PCSK5: variants seen among roughly 807,000 people sequenced by gnomAD.
PCSK5 encodes the protein proprotein convertase subtilisin/kexin type 5, also known as prohormone convertase 5.
In PCSK5, 129 loss-of-function variants were observed where a neutral mutation model predicts 233.2. The ratio of observed to expected loss-of-function variants is 0.55; its 90% confidence interval spans 0.48 to 0.64. The LOEUF (loss-of-function observed/expected upper bound fraction) is 0.64, where lower values mean the gene tolerates loss of function less well. PCSK5 is among the 30% of genes least tolerant of loss of function. The probability of loss-of-function intolerance (pLI) is 0.00; values close to 1 mark genes in which losing one functional copy is unlikely to be tolerated. For missense variants in PCSK5, 2,076 were observed against 2,430.1 expected (o/e 0.85, Z 3.06); for synonymous variants, 825 against 879.2 (o/e 0.94, Z 1.09).
intron 35 of PCSK5, among the ~76,000 whole-genome samples, chr9:76,342,472 T>C (rs1829863232): frequency 6.6e-6 from 1 of 152,136 alleles, no homozygotes; most frequent in Non-Finnish European, 1.5e-5. Flanking sequence ...AGATGAGAAA[T>C]CAGGTATTCC....
At chr9:75,951,656 C>A (rs1190499539) in intron 2 of PCSK5, among the ~76,000 whole-genome samples, 1 of 152,018 alleles carries the variant, frequency 6.6e-6, no homozygotes, top group African/African-American at 2.4e-5. Context: ...TACAATCAGA[C>A]CTCCTTATCC....
Position 76,323,269 on chromosome 9 carries a change from G to T in PCSK5, c.4320G>T (p.Lys1440Asn). The change falls in exon 32 of 38, where the codon AAG becomes AAT. Residue 1440 changes from lysine to asparagine, a missense_variant. Lys to Asn is a moderately conservative substitution (Grantham distance 94). Transcript: ENST00000674117. ...EECPAGTYYE[K>N]ETKECRDCHK... Reference sequence around the variant, plus strand: ...GTCCAGCAGGAACCTATTATGAAAAGGAGACTAAGGAGTGCAGAGGTAAAG... The same window carrying T: ...GTCCAGCAGGAACCTATTATGAAAATGAGACTAAGGAGTGCAGAGGTAAAG... The T allele has an allele frequency of 6.2e-7, 1 of 1,605,936 alleles. No homozygotes were observed. The highest frequency in any genetic ancestry group is 8.5e-7 in the Non-Finnish European group (1 of 1,173,662).
chr9:76,001,824 A>T (rs551021342), intron 3 of PCSK5, among the ~76,000 whole-genome samples: 6 of 152,208 alleles, frequency 3.9e-5, no homozygotes, highest in Non-Finnish European at 4.4e-5. Flanking sequence ...AGAAAATGAA[A>T]GATTAAAGAG....
rs565635254 is a variant in PCSK5 at position 75,891,827 on chromosome 9, C to T, written c.192+454C>T. Among the ~76,000 whole-genome samples, 4 of 151,828 alleles carry T rather than the reference C, an allele frequency of 2.6e-5. No individual in the cohort carries two copies. The South Asian group carries it at 8.3e-4, about 32-fold the overall frequency. On this transcript the variant is annotated intron_variant, in intron 1 of 37. Coordinates refer to ENST00000674117, the MANE Select transcript of PCSK5 (RefSeq NM_001372043.1). ...CGGGGAAGGGAAAGCCTTTCCTGCTCGGACCTGAATTTAGCCCAGAAAGAA... is the reference window on the plus strand; with the variant it reads ...CGGGGAAGGGAAAGCCTTTCCTGCTTGGACCTGAATTTAGCCCAGAAAGAA...
intron 1 of PCSK5, among the ~76,000 whole-genome samples, chr9:75,931,787 A>G (rs1052097098): frequency 5.3e-5 from 8 of 152,192 alleles, no homozygotes; most frequent in Non-Finnish European, 8.8e-5. Context: ...GATAGGTAGG[A>G]TGTATGTTTT....
At chr9:76,303,061 T>TC (rs1293809045) in intron 28 of PCSK5, among the ~76,000 whole-genome samples, 2 of 39,198 alleles carry the variant, frequency 5.1e-5, no homozygotes, top group Non-Finnish European at 1.1e-4. Flanking sequence ...CTTGTTGAGA[T>TC]TAAGTCCCCA....
intron 25 of PCSK5, among the ~76,000 whole-genome samples, chr9:76,293,631 G>A (rs960231082): frequency 1.1e-4 from 16 of 152,126 alleles, no homozygotes; most frequent in Non-Finnish European, 2.2e-4. Context: ...TGTATTTTTA[G>A]CAGAGACAGG....
At chr9:75,920,194 G>A (rs904072758) in intron 1 of PCSK5, among the ~76,000 whole-genome samples, 3 of 152,100 alleles carry the variant, frequency 2.0e-5, no homozygotes, top group Admixed American at 6.6e-5. Context: ...ACAACCATTA[G>A]CAAAGATATA....
chr9:76,224,566 A>T (rs1243274129), intron 20 of PCSK5, among the ~76,000 whole-genome samples: 1 of 152,214 alleles, frequency 6.6e-6, no homozygotes, highest in Non-Finnish European at 1.5e-5. Flanking sequence ...GAAGAGATGA[A>T]TGAAGGGATA....
At chr9:75,924,933 T>C (rs1400982070) in intron 1 of PCSK5, among the ~76,000 whole-genome samples, 1 of 152,206 alleles carries the variant, frequency 6.6e-6, no homozygotes, top group Non-Finnish European at 1.5e-5. Flanking sequence ...AGCCTCTGCT[T>C]TCTCATGTGT....
chr9:75,922,741 T>C (rs575664365), intron 1 of PCSK5, among the ~76,000 whole-genome samples: 1 of 152,352 alleles, frequency 6.6e-6, no homozygotes, highest in Admixed American at 6.5e-5. Flanking sequence ...TCTGAGATTC[T>C]ATGATTTGCT....
intron 22 of PCSK5, 151 bp from the exon 23 acceptor site, chr9:76,238,808 C>G (rs1826334020): frequency 1.6e-6 from 1 of 609,006 alleles, no homozygotes; most frequent in Non-Finnish European, 2.9e-6. Context: ...AGCTATTGCA[C>G]TTTTCATTAA....
At chr9:76,164,777 C>G (rs139238397) in intron 12 of PCSK5, among the ~76,000 whole-genome samples, 2,579 of 152,218 alleles carry the variant, frequency 0.017, 27 homozygotes, top group Non-Finnish European at 0.028. Context: ...AAGGAAATTA[C>G]AAAGGGGCTT....
In PCSK5 at chr9:76,310,662, A is replaced by G. The variant is rs748648072; in HGVS notation, c.3695A>G (p.Tyr1232Cys). 9.6e-6 allele frequency: 15 copies of G among 1,566,012 alleles called. No individual in the cohort carries two copies. Among genetic ancestry groups the G allele is most frequent in the Non-Finnish European group, 1.3e-5 (15 of 1,160,348 alleles). Residue 1232 changes from tyrosine to cysteine, a missense_variant, in exon 30 of 38, where the codon TAT becomes TGT. Tyr to Cys is a radical substitution (Grantham distance 194). Transcript: ENST00000674117. ...TLCTSCPKGA[Y>C]LLAQACVSSC... is the part of the protein sequence containing the mutation. ...CTCTTCCCTGAATTTCTAGGTGCAT[A>G]TCTTCTGGCTCAGGCCTGTGTTTCC...
chr9:76,205,829 C>G (rs1825096853), intron 20 of PCSK5, among the ~76,000 whole-genome samples: 1 of 152,030 alleles, frequency 6.6e-6, no homozygotes. Flanking sequence ...GTGCTGGATC[C>G]CTCCTTCACC....
intron 20 of PCSK5, among the ~76,000 whole-genome samples, chr9:76,192,269 A>T (rs541118409): frequency 6.6e-6 from 1 of 152,238 alleles, no homozygotes; most frequent in African/African-American, 2.4e-5. Context: ...TGTGGGCTGA[A>T]GTGGGAAAAG....
chr9:75,921,377 C>T (rs958261063), intron 1 of PCSK5, among the ~76,000 whole-genome samples: 13 of 152,242 alleles, frequency 8.5e-5, no homozygotes, highest in Non-Finnish European at 1.2e-4. Flanking sequence ...GGACCGAAAG[C>T]GAACATATAC....
At chr9:76,015,412 G>A (rs1474200125) in intron 3 of PCSK5, among the ~76,000 whole-genome samples, 1 of 152,134 alleles carries the variant, frequency 6.6e-6, no homozygotes, top group East Asian at 1.9e-4. Flanking sequence ...ACCCAGTCAA[G>A]TAACACAGAA....
At chr9:75,994,396 C>CTTTTTTTTTTT (rs1826907729) in intron 3 of PCSK5, among the ~76,000 whole-genome samples, 2 of 68,332 alleles carry the variant, frequency 2.9e-5, no homozygotes, top group Admixed American at 1.6e-4. Flanking sequence ...TTCTTTCTTT[C>CTTTTTTTTTTT]TTTCTTTTTT....
Sources: gnomAD v4.1 joint callset for allele counts (sites outside exome capture counted in the v4.1 genomes callset) on GRCh38, gnomAD v4.1.1 for gene constraint, MANE v1.5 for transcripts, NCBI Gene and HGNC (gene_info 2026-07-23, HGNC 2026-07-21) for gene names.